The following ADAMTSL3 variants were observed in gnomAD, a reference collection of about 807,000 sequenced individuals.
ADAMTSL3 encodes the protein ADAMTS-like protein 3.
Under a neutral mutation model 201.7 loss-of-function variants are expected in ADAMTSL3, and 128 were observed. The ratio of observed to expected loss-of-function variants is 0.63; its 90% CI spans 0.55 to 0.73. The LOEUF is 0.73. Among genes scored for constraint, ADAMTSL3 ranks in the 30% least tolerant of loss-of-function variants. ADAMTSL3 has a pLI of 0.00. For missense variants in ADAMTSL3, 1,990 were observed against 2,119.6 expected (o/e 0.94, Z 1.20); for synonymous variants, 738 against 748.4 (o/e 0.99, Z 0.23).
chr15:84,028,171 A>G (rs893867747), intron 27 of ADAMTSL3, among the ~76,000 whole-genome samples: 2 of 152,164 alleles, frequency 1.3e-5, no homozygotes, highest in African/African-American at 2.4e-5. Context: ...AAAATTGATT[A>G]TGGTAAAGGT....
intron 3 of ADAMTSL3, chr15:83,739,968 G>T: frequency 2.0e-6 from 1 of 490,068 alleles, no homozygotes. Context: ...GCAAGCATGT[G>T]ACCAGGGCAG....
chr15:83,757,556 T>G (rs1378793558), intron 3 of ADAMTSL3, among the ~76,000 whole-genome samples: 1 of 152,158 alleles, frequency 6.6e-6, no homozygotes, highest in Non-Finnish European at 1.5e-5. Flanking sequence ...TGATGGGAGG[T>G]GCTGCTGCAA....
At chr15:83,734,867 G>A (rs1340287633) in intron 3 of ADAMTSL3, among the ~76,000 whole-genome samples, 2 of 152,046 alleles carry the variant, frequency 1.3e-5, no homozygotes, top group Admixed American at 6.6e-5. Context: ...AGGGCTAGTG[G>A]GGAGGGCTGG....
intron 7 of ADAMTSL3, among the ~76,000 whole-genome samples, chr15:83,843,136 G>A (rs1011306292): frequency 1.3e-5 from 2 of 152,122 alleles, no homozygotes; most frequent in African/African-American, 4.8e-5. Context: ...CCAGGAAAAT[G>A]CATGTGTATT....
At chr15:83,655,912 G>A in intron 2 of ADAMTSL3, 82 bp downstream of exon 2, 1 of 1,378,976 alleles carries the variant, frequency 7.3e-7, no homozygotes, top group Non-Finnish European at 1.0e-6. Context: ...CACCTAAGAT[G>A]TGGCATGATT....
At chr15:83,988,299 T>C (rs1056234344) in intron 21 of ADAMTSL3, among the ~76,000 whole-genome samples, 5 of 152,160 alleles carry the variant, frequency 3.3e-5, no homozygotes, top group African/African-American at 1.2e-4. Flanking sequence ...AATCCACACC[T>C]GCAGTTTGTT....
intron 2 of ADAMTSL3, among the ~76,000 whole-genome samples, chr15:83,697,177 A>G (rs2061697859): frequency 6.6e-6 from 1 of 152,180 alleles, no homozygotes; most frequent in Non-Finnish European, 1.5e-5. Flanking sequence ...TCTTGAATCT[A>G]GGAATACCCT....
At chr15:83,989,701 C>T (rs2067549608) in intron 22 of ADAMTSL3, among the ~76,000 whole-genome samples, 1 of 152,162 alleles carries the variant, frequency 6.6e-6, no homozygotes, top group Admixed American at 6.5e-5. Context: ...CCAGCTCAGG[C>T]ACAAAGTATG....
chr15:84,023,918 G>A (rs914775857), intron 26 of ADAMTSL3, among the ~76,000 whole-genome samples: 19 of 152,172 alleles, frequency 1.2e-4, no homozygotes, highest in African/African-American at 4.6e-4. Flanking sequence ...TGATTACAAT[G>A]GAAACCAATT....
chr15:84,013,547 G>A (rs2068039095), intron 23 of ADAMTSL3, among the ~76,000 whole-genome samples: 2 of 152,170 alleles, frequency 1.3e-5, no homozygotes, highest in South Asian at 4.1e-4. Flanking sequence ...GGCTGAGGCG[G>A]GGGATCGCTT....
At chr15:83,917,170 A>G (rs2066049219) in intron 16 of ADAMTSL3, among the ~76,000 whole-genome samples, 1 of 152,250 alleles carries the variant, frequency 6.6e-6, no homozygotes, top group African/African-American at 2.4e-5. Flanking sequence ...TCTGCTGGAA[A>G]AGTAATATAC....
At chr15:83,821,305 G>T (rs1047552128) in intron 6 of ADAMTSL3, among the ~76,000 whole-genome samples, 2 of 150,576 alleles carry the variant, frequency 1.3e-5, no homozygotes, top group African/African-American at 4.9e-5. Flanking sequence ...GATTTGGCAG[G>T]GTCATAGGAC....
chr15:83,942,289 A>G (rs772434580), intron 17 of ADAMTSL3, among the ~76,000 whole-genome samples: 3 of 152,210 alleles, frequency 2.0e-5, no homozygotes, highest in Non-Finnish European at 4.4e-5. Context: ...GCTCCATTCA[A>G]AACAGAACCA....
chr15:83,669,606 T>A (rs1025337737), intron 2 of ADAMTSL3, among the ~76,000 whole-genome samples: 2 of 150,994 alleles, frequency 1.3e-5, no homozygotes, highest in South Asian at 4.2e-4. Flanking sequence ...TAGCTGGGAC[T>A]ACAGGTGCCC....
intron 6 of ADAMTSL3, among the ~76,000 whole-genome samples, chr15:83,821,894 G>A (rs999897178): frequency 4.3e-5 from 6 of 140,406 alleles, no homozygotes; most frequent in Non-Finnish European, 7.8e-5. Context: ...ACTCCCTCCC[G>A]GATGGGGCGG....
chr15:83,816,636 AGAG>A (rs1287148246), intron 5 of ADAMTSL3, among the ~76,000 whole-genome samples: 1 of 152,168 alleles, frequency 6.6e-6, no homozygotes, highest in Non-Finnish European at 1.5e-5. Flanking sequence ...GGCTGGAGGA[AGAG>A]GAGGTGATGT....
chr15:83,722,523 A>G (rs542546101), intron 3 of ADAMTSL3, among the ~76,000 whole-genome samples: 1 of 152,206 alleles, frequency 6.6e-6, no homozygotes, highest in Non-Finnish European at 1.5e-5. Flanking sequence ...TGATACAGAA[A>G]TTGTTATAGG....
chr15:83,875,328 C>T (rs1345108028), intron 9 of ADAMTSL3, among the ~76,000 whole-genome samples: 1 of 152,234 alleles, frequency 6.6e-6, no homozygotes, highest in Non-Finnish European at 1.5e-5. Context: ...AATGGCTCTG[C>T]CTTCAGTACC....
chr15:83,913,270 G>A lies in ADAMTSL3; in HGVS notation c.1879G>A (p.Glu627Lys). ...ERPCLLEACD[E>K]SPASRELDIP... is the part of the protein sequence containing the mutation. ...GCCCTGCCTCCTGGAAGCATGTGAT[G>A]AGAGCCCGGCCTCCCGAGAGCTAGA... Residue 627 changes from glutamate (E) to lysine (K), a missense_variant, in exon 16 of 30, where the codon GAG becomes AAG. Transcript: ENST00000286744. 5 of 1,614,102 alleles carry A rather than the reference G, an allele frequency of 3.1e-6. No homozygotes were observed. The highest frequency in any genetic ancestry group is 4.2e-6 in the Non-Finnish European group (5 of 1,180,036).
Sources: allele counts gnomAD v4.1 joint callset (sites outside exome capture counted in the v4.1 genomes callset), GRCh38; gene constraint gnomAD v4.1.1; transcripts MANE v1.5; gene names NCBI Gene and HGNC (gene_info 2026-07-23, HGNC 2026-07-21).